SDK1: variants seen among roughly 807,000 people sequenced by gnomAD.
SDK1 encodes the protein protein sidekick-1.
SDK1 carries 157 observed loss-of-function variants against 245.5 expected under a neutral mutation model. That is an observed-to-expected ratio of 0.64 (90% confidence interval 0.56 to 0.73). The LOEUF (loss-of-function observed/expected upper bound fraction) is 0.73, where lower values mean the gene tolerates loss of function less well. Among genes scored for constraint, SDK1 ranks in the 30% least tolerant of loss-of-function variants. SDK1 has a pLI of 0.00. For synonymous variants in SDK1, 1,647 were observed against 1,278.5 expected (o/e 1.29, Z -6.15); for missense variants, 3,583 against 3,002.3 (o/e 1.19, Z -4.52).
intron 42 of SDK1, among the ~76,000 whole-genome samples, chr7:4,239,010 C>T (rs1786360993): frequency 6.6e-6 from 1 of 152,226 alleles, no homozygotes; most frequent in Non-Finnish European, 1.5e-5. Context: ...CATAGCTCTT[C>T]TCACCCACTG....
At chr7:3,570,178 G>A (rs916215036) in intron 1 of SDK1, among the ~76,000 whole-genome samples, 1 of 152,080 alleles carries the variant, frequency 6.6e-6, no homozygotes, top group Non-Finnish European at 1.5e-5. Flanking sequence ...AACCTTTTTG[G>A]CATCAGGACT....
intron 30 of SDK1, among the ~76,000 whole-genome samples, chr7:4,152,735 C>T (rs1403881831): frequency 1.3e-5 from 2 of 152,250 alleles, no homozygotes; most frequent in Admixed American, 6.5e-5. Flanking sequence ...TATAATCTCC[C>T]TTCCTGTTTA....
intron 1 of SDK1, among the ~76,000 whole-genome samples, chr7:3,604,759 C>T (rs1038701841): frequency 1.1e-4 from 16 of 151,690 alleles, no homozygotes; most frequent in South Asian, 2.1e-4. Context: ...TGTGTCACTA[C>T]GGCAGGCTAA....
chr7:3,744,038 A>G (rs899373540), intron 4 of SDK1, among the ~76,000 whole-genome samples: 6 of 152,120 alleles, frequency 3.9e-5, no homozygotes, highest in African/African-American at 1.4e-4. Flanking sequence ...CCACTACTGG[A>G]TGTCTCAAGT....
chr7:3,554,698 C>G (rs376886207), intron 1 of SDK1, among the ~76,000 whole-genome samples: 2 of 152,154 alleles, frequency 1.3e-5, no homozygotes, highest in East Asian at 3.8e-4. Context: ...GGCCACCTTT[C>G]CCTCATCCAA....
intron 1 of SDK1, among the ~76,000 whole-genome samples, chr7:3,465,772 C>T (rs1199906013): frequency 6.6e-6 from 1 of 152,122 alleles, no homozygotes; most frequent in Non-Finnish European, 1.5e-5. Flanking sequence ...TGTTGGTGTT[C>T]TCTGAATGGC....
At chr7:4,111,174 C>T (rs1433510097) in intron 23 of SDK1, among the ~76,000 whole-genome samples, 1 of 152,200 alleles carries the variant, frequency 6.6e-6, no homozygotes, top group East Asian at 1.9e-4. Flanking sequence ...TGCTCCCCTT[C>T]CCAAGCAGGG....
At chr7:3,344,780 G>T (rs897328949) in intron 1 of SDK1, among the ~76,000 whole-genome samples, 1 of 152,168 alleles carries the variant, frequency 6.6e-6, no homozygotes, top group Non-Finnish European at 1.5e-5. Context: ...AGTGTCCCTG[G>T]TAGTAAGTTC....
chr7:4,065,878 T>C lies in SDK1; in HGVS notation c.2912-1960T>C, dbSNP rs1252113581. ...AACCAGAACAGGGACTTTGCAGGGG[T>C]GAGACTTCTCTGTAGGAATCCTGGA... On this transcript the variant is annotated intron_variant, in intron 19 of 44. Transcript: ENST00000404826. Among the ~76,000 whole-genome samples the C allele has an allele frequency of 2.6e-5, 4 of 152,014 alleles. No homozygotes were observed. The East Asian group carries it at 7.7e-4, about 29-fold the overall frequency.
chr7:4,091,296 G>A (rs1337504731), intron 22 of SDK1, among the ~76,000 whole-genome samples: 4 of 149,628 alleles, frequency 2.7e-5, no homozygotes, highest in Non-Finnish European at 5.9e-5. Flanking sequence ...GTGAGTGCTG[G>A]CTTAGATTTC....
At chr7:3,832,155 C>G (rs1157721445) in intron 5 of SDK1, among the ~76,000 whole-genome samples, 1 of 152,136 alleles carries the variant, frequency 6.6e-6, no homozygotes, top group Non-Finnish European at 1.5e-5. Context: ...GATGAGGTAA[C>G]AAATCAAAGC....
chr7:3,803,261 T>G (rs1779150289), intron 4 of SDK1, among the ~76,000 whole-genome samples: 1 of 152,136 alleles, frequency 6.6e-6, no homozygotes, highest in Admixed American at 6.5e-5. Context: ...GTCAAATGCT[T>G]CTTGTTGTAC....
intron 38 of SDK1, among the ~76,000 whole-genome samples, chr7:4,214,064 C>T (rs531169629): frequency 1.3e-5 from 2 of 152,170 alleles, no homozygotes; most frequent in South Asian, 2.1e-4. Context: ...TTCTTCTCCT[C>T]CCGCAGACAG....
intron 5 of SDK1, among the ~76,000 whole-genome samples, chr7:3,846,292 T>G (rs940572472): frequency 1.2e-4 from 18 of 152,168 alleles, no homozygotes; most frequent in African/African-American, 4.1e-4. Flanking sequence ...CAATAAAGAT[T>G]TCCTATAAAT....
intron 5 of SDK1, among the ~76,000 whole-genome samples, chr7:3,885,787 C>A (rs150464717): frequency 6.6e-6 from 1 of 152,214 alleles, no homozygotes. Flanking sequence ...GAAGCCTTTC[C>A]CTTCTCTTGT....
At chr7:3,303,808 A>G (rs750390245) in intron 1 of SDK1, among the ~76,000 whole-genome samples, 1 of 152,218 alleles carries the variant, frequency 6.6e-6, no homozygotes, top group Non-Finnish European at 1.5e-5. Context: ...CCATTTGACA[A>G]AAGCTCATGT....
intron 1 of SDK1, among the ~76,000 whole-genome samples, chr7:3,492,304 C>G (rs1300719115): frequency 6.6e-6 from 1 of 152,134 alleles, no homozygotes; most frequent in African/African-American, 2.4e-5. Flanking sequence ...ACCATCCTGG[C>G]TAACACGGTG....
At chr7:3,339,181 A>G (rs1012616770) in intron 1 of SDK1, among the ~76,000 whole-genome samples, 7 of 152,076 alleles carry the variant, frequency 4.6e-5, no homozygotes, top group Admixed American at 3.3e-4. Context: ...TTCAGAATAA[A>G]TTAATAAAGA....
At chr7:3,743,858 C>G (rs1249379227) in intron 4 of SDK1, among the ~76,000 whole-genome samples, 2 of 152,146 alleles carry the variant, frequency 1.3e-5, no homozygotes, top group East Asian at 3.9e-4. Flanking sequence ...AAGTTAGCAG[C>G]TATCTGCCCC....
Sources: allele counts gnomAD v4.1 joint callset (sites outside exome capture counted in the v4.1 genomes callset), GRCh38; gene constraint gnomAD v4.1.1; transcripts MANE v1.5; gene names NCBI Gene and HGNC (gene_info 2026-07-23, HGNC 2026-07-21).